MAMDC2: variants seen among roughly 807,000 people sequenced by gnomAD.
The protein encoded by MAMDC2 is MAM domain containing 2.
Under a neutral mutation model 89.8 loss-of-function variants are expected in MAMDC2, and 57 were observed. That is an observed-to-expected ratio of 0.63 (90% CI 0.51 to 0.79). The LOEUF (loss-of-function observed/expected upper bound fraction) is 0.79, where lower values mean the gene tolerates loss of function less well. Among genes scored for constraint, MAMDC2 ranks in the 30% least tolerant of loss-of-function variants. The probability of loss-of-function intolerance (pLI) is 0.00; values close to 1 mark genes in which losing one functional copy is unlikely to be tolerated. For missense variants in MAMDC2, 800 were observed against 820.6 expected, an observed-to-expected ratio of 0.97 and a Z score of 0.31; for synonymous variants, 313 against 293.4, an observed-to-expected ratio of 1.07 and a Z score of -0.68.
At chr9:70,203,669 T>C (rs1431587540) in intron 11 of MAMDC2, among the ~76,000 whole-genome samples, 2 of 87,952 alleles carry the variant, frequency 2.3e-5, no homozygotes, top group Non-Finnish European at 4.6e-5. Context: ...TTGGTTCCAT[T>C]CTCCCCATCA....
chr9:70,112,798 T>C (rs1456175996), intron 4 of MAMDC2, among the ~76,000 whole-genome samples, 197 bp from the exon 5 acceptor site: 1 of 152,186 alleles, frequency 6.6e-6, no homozygotes, highest in Non-Finnish European at 1.5e-5. Flanking sequence ...AAAGGGCCAA[T>C]GATGAATTAG....
intron 2 of MAMDC2, among the ~76,000 whole-genome samples, chr9:70,074,451 G>A (rs1216917554): frequency 1.3e-5 from 2 of 152,228 alleles, no homozygotes; most frequent in Non-Finnish European, 2.9e-5. Context: ...AATACCCTGA[G>A]GGTAAGTGGC....
intron 1 of MAMDC2, 74 bp from the exon 2 acceptor site, chr9:70,044,509 TC>T (rs1241994471): frequency 5.1e-6 from 6 of 1,179,946 alleles, no homozygotes; most frequent in Admixed American, 2.0e-5. Flanking sequence ...CACCAGGTAG[TC>T]CCCCTGGGGC....
chr9:70,172,941 A>T (rs2032394684), intron 11 of MAMDC2: 1 of 152,654 alleles, frequency 6.6e-6, no homozygotes. Flanking sequence ...AAAAGCTTAT[A>T]ACAGAAAATA....
At chr9:70,136,875 C>G (rs2031031471) in intron 7 of MAMDC2, among the ~76,000 whole-genome samples, 1 of 152,172 alleles carries the variant, frequency 6.6e-6, no homozygotes, top group Non-Finnish European at 1.5e-5. Context: ...GATCCTTGTT[C>G]ATGTAACATC....
intron 11 of MAMDC2, among the ~76,000 whole-genome samples, chr9:70,182,001 T>A (rs1207292708): frequency 6.6e-6 from 1 of 152,242 alleles, no homozygotes; most frequent in Non-Finnish European, 1.5e-5. Context: ...TTGTCATAAA[T>A]AGCTCTTATT....
At chr9:70,212,627 C>T (rs1178838720) in intron 11 of MAMDC2, among the ~76,000 whole-genome samples, 1 of 152,182 alleles carries the variant, frequency 6.6e-6, no homozygotes, top group East Asian at 1.9e-4. Flanking sequence ...TGGGCTGCAT[C>T]CGCTGTCCAA....
chr9:70,049,105 T>A (rs1245074825), intron 2 of MAMDC2, among the ~76,000 whole-genome samples: 1 of 152,052 alleles, frequency 6.6e-6, no homozygotes, highest in African/African-American at 2.4e-5. Context: ...GGAGTCAGGG[T>A]TTGAGAAATC....
At chr9:70,148,227 T>G (rs918700873) in intron 9 of MAMDC2, 1 of 150,238 alleles carries the variant, frequency 6.7e-6, no homozygotes, top group African/African-American at 2.5e-5. Context: ...TGCCTCTGCC[T>G]ACACTCTTCT....
At chr9:70,127,232 G>A (rs1453888912) in intron 6 of MAMDC2, among the ~76,000 whole-genome samples, 2 of 152,162 alleles carry the variant, frequency 1.3e-5, no homozygotes, top group Non-Finnish European at 2.9e-5. Flanking sequence ...AAAACAGAGT[G>A]TCCAAGAAAT....
At chr9:70,122,510 T>C (rs1017597464) in intron 5 of MAMDC2, among the ~76,000 whole-genome samples, 5 of 152,156 alleles carry the variant, frequency 3.3e-5, no homozygotes, top group African/African-American at 9.7e-5. Context: ...GGAAAGAGAT[T>C]TCCTGGGAGA....
At chr9:70,162,066 A>G (rs2031993155) in intron 9 of MAMDC2, among the ~76,000 whole-genome samples, 1 of 152,220 alleles carries the variant, frequency 6.6e-6, no homozygotes, top group East Asian at 1.9e-4. Context: ...ATAGAAGGCA[A>G]TTTCTGGAAG....
intron 11 of MAMDC2, among the ~76,000 whole-genome samples, chr9:70,183,998 C>T (rs2209781): frequency 0.9 from 137,536 of 152,214 alleles, 62,425 homozygotes; most frequent in East Asian, 0.98. Context: ...CAATTTGGTA[C>T]GTATTTGCAG....
chr9:70,145,433 C>G lies in MAMDC2; in HGVS notation c.1404+1614C>G, dbSNP rs141655680. On this transcript the variant is annotated intron_variant, in intron 9 of 13. Transcript: ENST00000377182. ...TCTTGCAGCAGCATTATTGAACTTTCCTCTTCGATTTACTAGTACTGGAGA... is the reference window on the plus strand; with the variant it reads ...TCTTGCAGCAGCATTATTGAACTTTGCTCTTCGATTTACTAGTACTGGAGA... Among the ~76,000 whole-genome samples the G allele has an allele frequency of 3.9e-5, 6 of 152,324 alleles. No homozygotes were observed. The East Asian group carries it at 1.2e-3, about 29-fold the overall frequency.
At chr9:70,102,386 C>G (rs73449454) in intron 2 of MAMDC2, among the ~76,000 whole-genome samples, 6,438 of 152,196 alleles carry the variant, frequency 0.042, 410 homozygotes, top group African/African-American at 0.14. Context: ...TCCATGGGTG[C>G]CAAGAAGCCC....
chr9:70,096,106 C>G (rs1198733550), intron 2 of MAMDC2, among the ~76,000 whole-genome samples: 1 of 152,070 alleles, frequency 6.6e-6, no homozygotes. Flanking sequence ...TTTCTGCAGC[C>G]TCGACCTCCC....
intron 10 of MAMDC2, 33 bp from the exon 11 acceptor site, chr9:70,170,446 T>C: frequency 6.3e-7 from 1 of 1,579,948 alleles, no homozygotes; most frequent in Non-Finnish European, 8.6e-7. Flanking sequence ...TGAAAGAGTC[T>C]CAGTGATTGC....
At position 70,134,895 on chromosome 9, in the gene MAMDC2, C is replaced by T. The variant is rs909842080; in HGVS notation, c.994+3283C>T. 2.0e-5 allele frequency among the ~76,000 whole-genome samples: 3 copies of T among 152,198 alleles called. 1 individual carries two copies. The highest frequency in any genetic ancestry group is 2.0e-4 in the Admixed American group (3 of 15,278). On this transcript the variant is annotated intron_variant, in intron 7 of 13. Transcript: ENST00000377182. ...TGGGCTGGCACATGCTAGAGTAAAA[C>T]TACCCTGCAAGGTTAGCAGTGTAGA...
chr9:70,126,487 A>G, intron 6 of MAMDC2, 72 bp downstream of exon 6: 1 of 1,493,152 alleles, frequency 6.7e-7, no homozygotes, highest in Non-Finnish European at 9.1e-7. Context: ...AGGGCTGGAG[A>G]TGGAGAGGCT....
Sources: gnomAD v4.1 joint callset for allele counts (sites outside exome capture counted in the v4.1 genomes callset) on GRCh38, gnomAD v4.1.1 for gene constraint, MANE v1.5 for transcripts, NCBI Gene and HGNC (gene_info 2026-07-23, HGNC 2026-07-21) for gene names.